The following TAFA5 variants were observed in gnomAD, a reference collection of about 807,000 sequenced individuals.
The protein encoded by TAFA5 is TAFA chemokine like family member 5.
Under a neutral mutation model 15.3 loss-of-function variants are expected in TAFA5, and 6 were observed. The ratio of observed to expected loss-of-function variants is 0.39; its 90% CI spans 0.21 to 0.77. The LOEUF is 0.77. Among genes scored for constraint, TAFA5 ranks in the 30% least tolerant of loss-of-function variants. TAFA5 has a pLI of 0.41. For missense variants in TAFA5, 161 were observed against 193.1 expected, an observed-to-expected ratio of 0.83 and a Z score of 0.98; for synonymous variants, 103 against 80.7, an observed-to-expected ratio of 1.28 and a Z score of -1.48.
intron 2 of TAFA5, among the ~76,000 whole-genome samples, chr22:48,707,078 C>A (rs1261961109): frequency 1.3e-5 from 2 of 152,164 alleles, no homozygotes; most frequent in Non-Finnish European, 2.9e-5. Context: ...CAAGGGCCAT[C>A]ACAAGGACTC....
chr22:48,576,558 G>C, intron 1 of TAFA5: 1 of 1,509,136 alleles, frequency 6.6e-7, no homozygotes, highest in Non-Finnish European at 8.9e-7. Flanking sequence ...TCCACGCGCA[G>C]TTCCTCAAAG....
intron 2 of TAFA5, among the ~76,000 whole-genome samples, chr22:48,689,190 G>A (rs1795413813): frequency 6.6e-6 from 1 of 152,066 alleles, no homozygotes; most frequent in Non-Finnish European, 1.5e-5. Context: ...TTAGGGAGGC[G>A]CGGTTTTCAA....
intron 1 of TAFA5, among the ~76,000 whole-genome samples, chr22:48,528,134 G>A (rs1358983283): frequency 1.3e-5 from 2 of 152,188 alleles, no homozygotes; most frequent in East Asian, 1.9e-4. Context: ...CTCTGATGGC[G>A]TCGATGATGC....
intron 3 of TAFA5, among the ~76,000 whole-genome samples, chr22:48,715,117 A>C (rs1348424923): frequency 1.3e-5 from 2 of 152,212 alleles, no homozygotes; most frequent in Non-Finnish European, 2.9e-5. Context: ...GAGGTTCCCC[A>C]GTGGACATGA....
chr22:48,730,382 T>C (rs1254989563), intron 3 of TAFA5, among the ~76,000 whole-genome samples: 2 of 132,538 alleles, frequency 1.5e-5, no homozygotes, highest in Non-Finnish European at 3.5e-5. Flanking sequence ...CAAGACTGTG[T>C]CTCAAAAAAA....
chr22:48,548,582 G>A (rs769111813), intron 1 of TAFA5, among the ~76,000 whole-genome samples: 5 of 152,180 alleles, frequency 3.3e-5, no homozygotes, highest in Non-Finnish European at 7.3e-5. Flanking sequence ...GGAGTGGACT[G>A]GGGGAGCTTT....
intron 1 of TAFA5, among the ~76,000 whole-genome samples, chr22:48,520,531 C>A (rs1049400333): frequency 6.6e-6 from 1 of 152,214 alleles, no homozygotes; most frequent in African/African-American, 2.4e-5. Flanking sequence ...TGGAGTGGCC[C>A]CTGCACCCAG....
chr22:48,594,294 G>A (rs534415612), intron 1 of TAFA5, among the ~76,000 whole-genome samples: 39 of 152,326 alleles, frequency 2.6e-4, no homozygotes, highest in African/African-American at 7.7e-4. Flanking sequence ...TGACCCACTC[G>A]GATGGGCGAG....
chr22:48,605,666 A>G (rs968229482), intron 1 of TAFA5, among the ~76,000 whole-genome samples: 2 of 152,196 alleles, frequency 1.3e-5, no homozygotes, highest in Non-Finnish European at 2.9e-5. Flanking sequence ...CAAGGCCCAA[A>G]GCTTGTACCT....
chr22:48,631,173 G>A (rs900435877), intron 1 of TAFA5, among the ~76,000 whole-genome samples: 2 of 152,212 alleles, frequency 1.3e-5, no homozygotes, highest in African/African-American at 4.8e-5. Context: ...CCTGCCATCT[G>A]CTGGGAGAGG....
At chr22:48,571,579 T>G (rs4823543) in intron 1 of TAFA5, among the ~76,000 whole-genome samples, 7,172 of 93,642 alleles carry the variant, frequency 0.077, 201 homozygotes, top group East Asian at 0.13. Flanking sequence ...GGCCTGTTTT[T>G]TTTTTTTTTT....
At chr22:48,679,067 C>CA (rs1928082282) in intron 2 of TAFA5, among the ~76,000 whole-genome samples, 2 of 128,506 alleles carry the variant, frequency 1.6e-5, no homozygotes, top group Admixed American at 7.9e-5. Context: ...ATCCCTCTCC[C>CA]GTCTCCCTGT....
intron 3 of TAFA5, among the ~76,000 whole-genome samples, chr22:48,715,198 T>A (rs1198833242): frequency 1.3e-5 from 2 of 152,192 alleles, no homozygotes; most frequent in Non-Finnish European, 2.9e-5. Context: ...TGCCATGAGT[T>A]GGGGGCCACA....
Position 48,745,198 on chromosome 22 carries a change from A to G in TAFA5, c.391-4641A>G, listed in dbSNP as rs575958545. Among the ~76,000 whole-genome samples the G allele has an allele frequency of 1.9e-3, 282 of 151,666 alleles. 1 individual carries two copies. The highest frequency in any genetic ancestry group is 6.7e-3 in the African/African-American group (274 of 41,088). On this transcript the variant is annotated intron_variant, in intron 3 of 3. Coordinates refer to ENST00000402357, the MANE Select transcript of TAFA5 (RefSeq NM_001082967.3). ...CACAGGGCACAGCTTTGTCATCGGC[A>G]GCTGGCCTGTCCAGGGTTCACCCTG...
intron 1 of TAFA5, among the ~76,000 whole-genome samples, chr22:48,562,356 T>C (rs1343357502): frequency 6.6e-6 from 1 of 152,178 alleles, no homozygotes; most frequent in African/African-American, 2.4e-5. Context: ...GCCAGGATGG[T>C]CTCGATCTCC....
chr22:48,707,172 C>T (rs557439599), intron 2 of TAFA5, among the ~76,000 whole-genome samples: 9 of 141,838 alleles, frequency 6.3e-5, no homozygotes, highest in Non-Finnish European at 1.1e-4. Flanking sequence ...TGAGACGAGG[C>T]GGGAGTAGGA....
At chr22:48,625,457 A>T (rs1317368206) in intron 1 of TAFA5, among the ~76,000 whole-genome samples, 1 of 152,248 alleles carries the variant, frequency 6.6e-6, no homozygotes, top group Non-Finnish European at 1.5e-5. Context: ...GTTCAGTTCA[A>T]GTATCCGCGT....
At chr22:48,601,326 T>A (rs985628011) in intron 1 of TAFA5, among the ~76,000 whole-genome samples, 17 of 152,134 alleles carry the variant, frequency 1.1e-4, no homozygotes, top group Admixed American at 4.6e-4. Flanking sequence ...TCTTTTTTTT[T>A]ATTTTTTTAT....
At chr22:48,521,629 C>T (rs941191056) in intron 1 of TAFA5, among the ~76,000 whole-genome samples, 5 of 152,098 alleles carry the variant, frequency 3.3e-5, no homozygotes, top group Non-Finnish European at 7.3e-5. Context: ...ATGTGAGTTT[C>T]GGGGAGCCAT....
Sources: allele counts gnomAD v4.1 joint callset (sites outside exome capture counted in the v4.1 genomes callset), GRCh38; gene constraint gnomAD v4.1.1; transcripts MANE v1.5; gene names NCBI Gene and HGNC (gene_info 2026-07-23, HGNC 2026-07-21).